The following COP1 variants were observed in gnomAD, a reference collection of about 807,000 sequenced individuals.
The protein encoded by COP1 is E3 ubiquitin-protein ligase COP1.
In COP1, 24 loss-of-function variants were observed where a neutral mutation model predicts 101.3. That is an observed-to-expected ratio of 0.24 (90% CI 0.17 to 0.33). COP1 has a LOEUF of 0.33. Ranked by LOEUF, COP1 falls within the 10% of genes least tolerant of loss-of-function variation. COP1 has a pLI of 1.00. For missense variants in COP1, 663 were observed against 906.2 expected, an observed-to-expected ratio of 0.73 and a Z score of 3.45; for synonymous variants, 347 against 341.9, an observed-to-expected ratio of 1.01 and a Z score of -0.17.
chr1:175,961,374 G>C (rs375979431), intron 18 of COP1, among the ~76,000 whole-genome samples: 1 of 152,188 alleles, frequency 6.6e-6, no homozygotes, highest in South Asian at 2.1e-4. Context: ...ACTTTGGCAT[G>C]AAGTTTATTA....
chr1:176,194,884 T>C (rs1197353382), intron 1 of COP1, among the ~76,000 whole-genome samples: 1 of 151,216 alleles, frequency 6.6e-6, no homozygotes, highest in Non-Finnish European at 1.5e-5. Flanking sequence ...GAGATCAGCC[T>C]GAGCACCATG....
chr1:175,947,190 C>G lies in COP1; in HGVS notation c.2178+5G>C, dbSNP rs745435487. The G allele has an allele frequency of 6.3e-7, 1 of 1,598,076 alleles. No homozygotes were observed. Among genetic ancestry groups the G allele is most frequent in the Non-Finnish European group, 8.6e-7 (1 of 1,165,692 alleles). On this transcript the variant is annotated splice_donor_5th_base_variant and intron_variant, in intron 19 of 19. Transcript: ENST00000367669. The stretch of plus-strand genomic sequence containing the variant: ...TTTAAAATGGAGATATAGTAAATAG[C>G]TTACCTTAATTGTACCCTGACTGTT...
rs530662750 is a variant in COP1 at position 175,951,251 on chromosome 1, A to AAAAT, written c.2134-4016_2134-4013dup. Reference sequence around the variant, plus strand: ...CCAACAAGAGCAAAACTCCATCTCAAAAATAAATAAATAAATAAATATATA... The same window carrying AAAAT: ...CCAACAAGAGCAAAACTCCATCTCAAAAATAAATAAATAAATAAATAAATATATA... On this transcript the variant is annotated intron_variant, in intron 18 of 19. Coordinates refer to ENST00000367669, the MANE Select transcript of COP1 (RefSeq NM_022457.7). Among the ~76,000 whole-genome samples, 517 of 151,470 alleles carry AAAAT rather than the reference A, an allele frequency of 3.4e-3. 4 individuals carry two copies. The highest frequency in any genetic ancestry group is 0.011 in the African/African-American group (470 of 41,368).
At position 176,163,770 on chromosome 1, in the gene COP1, A is replaced by G. The variant is rs369639647; in HGVS notation, c.642+45T>C. 19 of 1,241,132 alleles carry G rather than the reference A, an allele frequency of 1.5e-5. No individual in the cohort carries two copies. In the African/African-American group the frequency reaches 2.9e-4, roughly 19 times the overall value. The allele number at this position is 1,241,132 out of a possible 1,614,324, so 76.9% of individuals were successfully genotyped here. On this transcript the variant is annotated intron_variant, in intron 4 of 19. Transcript: ENST00000367669. ...AACTAATATTAAACCAATAAAAACA[A>G]CAAAATGAAATTTATTAAAAATAGT...
At position 176,099,523 on chromosome 1, in the gene COP1, CT is replaced by C. The variant is rs1287200825; in HGVS notation, c.1027-13634del. Among the ~76,000 whole-genome samples the C allele has an allele frequency of 6.3e-3, 944 of 150,344 alleles. 15 individuals carry two copies. Among genetic ancestry groups the C allele is most frequent in the African/African-American group, 0.022 (891 of 41,286 alleles). ...CATATTTGTCTCTCTCTCTCTCTCT[CT>C]CTCTCTCTCTCTCTCTCCCTGGCTT... is the stretch of plus-strand genomic sequence containing the variant. On this transcript the variant is annotated intron_variant, in intron 9 of 19. Transcript: ENST00000367669.
intron 15 of COP1, among the ~76,000 whole-genome samples, chr1:175,999,752 C>G (rs1211908535): frequency 6.6e-6 from 1 of 152,070 alleles, no homozygotes; most frequent in Non-Finnish European, 1.5e-5. Flanking sequence ...TCCCTTTTCT[C>G]CACATCCTCA....
chr1:176,102,798 G>C (rs1007295935), intron 9 of COP1, among the ~76,000 whole-genome samples: 5 of 152,188 alleles, frequency 3.3e-5, no homozygotes, highest in Non-Finnish European at 5.9e-5. Context: ...CCCTGCACTT[G>C]ATGGATCAGC....
intron 6 of COP1, among the ~76,000 whole-genome samples, chr1:176,142,191 A>C (rs535327157): frequency 1.3e-5 from 2 of 152,324 alleles, no homozygotes; most frequent in African/African-American, 4.8e-5. Context: ...TACATGATGT[A>C]ACAGAGAGAG....
At chr1:175,957,959 A>G (rs1650887375) in intron 18 of COP1, among the ~76,000 whole-genome samples, 1 of 152,162 alleles carries the variant, frequency 6.6e-6, no homozygotes, top group African/African-American at 2.4e-5. Context: ...ATGAAATCCT[A>G]GAATAAGCAA....
intron 6 of COP1, among the ~76,000 whole-genome samples, chr1:176,142,844 C>T (rs1197046683): frequency 2.0e-5 from 3 of 151,216 alleles, no homozygotes; most frequent in East Asian, 3.9e-4. Flanking sequence ...AATATGATGC[C>T]AAAAGAATTA....
chr1:176,136,420 A>T, intron 7 of COP1, 68 bp downstream of exon 7: 1 of 1,047,472 alleles, frequency 9.5e-7, no homozygotes, highest in South Asian at 1.4e-5. Context: ...ACAGCAACTT[A>T]ATGGAAAGGT....
chr1:176,190,921 T>G (rs791801), intron 1 of COP1, among the ~76,000 whole-genome samples: 114,075 of 151,850 alleles, frequency 0.75, 44,797 homozygotes, highest in East Asian at 0.92. Flanking sequence ...GTTAAATACT[T>G]AAAAATAATA....
chr1:175,970,562 C>T (rs1048255193), intron 18 of COP1, among the ~76,000 whole-genome samples: 18 of 151,970 alleles, frequency 1.2e-4, no homozygotes, highest in Admixed American at 3.3e-4. Flanking sequence ...GATATAGGAA[C>T]GACATTGTTC....
At chr1:175,962,603 T>A (rs891019280) in intron 18 of COP1, among the ~76,000 whole-genome samples, 1 of 152,182 alleles carries the variant, frequency 6.6e-6, no homozygotes, top group African/African-American at 2.4e-5. Flanking sequence ...AGCTGATTCA[T>A]GTAAAACTTT....
chr1:176,053,897 T>C (rs1045649835), intron 11 of COP1, among the ~76,000 whole-genome samples: 7 of 152,194 alleles, frequency 4.6e-5, no homozygotes, highest in African/African-American at 1.7e-4. Context: ...CTGGCAAAAC[T>C]AACCCTAGTT....
At chr1:176,160,244 C>T (rs1172283072) in intron 5 of COP1, 1 of 400,638 alleles carries the variant, frequency 2.5e-6, no homozygotes, top group Non-Finnish European at 4.8e-6. Flanking sequence ...GGTATGGTAG[C>T]CCACACACAT....
Position 176,027,446 on chromosome 1 carries a change from T to A in COP1, c.1729+126A>T, listed in dbSNP as rs1254791154. The A allele has an allele frequency of 8.8e-6, 6 of 681,044 alleles. No homozygotes were observed. The East Asian group carries it at 1.5e-4, about 17-fold the overall frequency. The allele number at this position is 681,044 out of a possible 1,614,324, so 42.2% of individuals were successfully genotyped here. On this transcript the variant is annotated intron_variant, in intron 15 of 19. Coordinates refer to ENST00000367669, the MANE Select transcript of COP1 (RefSeq NM_022457.7). ...TGATGGCATACTGTATACTTCTAAT[T>A]TAGAGCCTAATAATAAAAACAACAT...
chr1:175,989,260 C>A, intron 16 of COP1, 102 bp downstream of exon 16: 2 of 588,928 alleles, frequency 3.4e-6, no homozygotes, highest in Non-Finnish European at 3.1e-6. Context: ...AGTACATATA[C>A]TCCAATATTA....
At chr1:176,089,023 C>T (rs1407697223) in intron 9 of COP1, among the ~76,000 whole-genome samples, 1 of 149,784 alleles carries the variant, frequency 6.7e-6, no homozygotes, top group East Asian at 2.0e-4. Flanking sequence ...TCTATTTAGG[C>T]CGGGCGTGGT....
Sources: allele counts gnomAD v4.1 joint callset (sites outside exome capture counted in the v4.1 genomes callset), GRCh38; gene constraint gnomAD v4.1.1; transcripts MANE v1.5; gene names NCBI Gene and HGNC (gene_info 2026-07-23, HGNC 2026-07-21).